Variants in BCL2 observed in about 807,000 individuals in gnomAD.
BCL2 encodes BCL2 apoptosis regulator, also known as apoptosis regulator Bcl-2.
Under a neutral mutation model 14.2 loss-of-function variants are expected in BCL2, and 1 was observed. The ratio of observed to expected loss-of-function variants is 0.07; its 90% CI spans 0.02 to 0.33. The LOEUF is 0.33. BCL2 is among the 10% of genes least tolerant of loss of function. The probability of loss-of-function intolerance (pLI) is 0.99; values close to 1 mark genes in which losing one functional copy is unlikely to be tolerated. For synonymous variants in BCL2, 151 were observed against 137.2 expected (o/e 1.10, Z -0.70); for missense variants, 247 against 305.9 (o/e 0.81, Z 1.44).
chr18:63,289,826 G>A (rs559037084), intron 2 of BCL2, among the ~76,000 whole-genome samples: 10 of 152,090 alleles, frequency 6.6e-5, no homozygotes, highest in Non-Finnish European at 1.5e-4. Flanking sequence ...CCTGGGAGGC[G>A]GAGGTTGCAG....
At chr18:63,214,929 A>C (rs1910156300) in intron 2 of BCL2, among the ~76,000 whole-genome samples, 1 of 152,036 alleles carries the variant, frequency 6.6e-6, no homozygotes, top group South Asian at 2.1e-4. Context: ...GGCTGGTCTC[A>C]AACTCCTGAC....
Position 63,318,479 on chromosome 18 carries a change from C to T in BCL2, c.188G>A (p.Arg63Gln). 1 of 1,484,224 alleles carries T rather than the reference C, an allele frequency of 6.7e-7. No homozygotes were observed. The highest frequency in any genetic ancestry group is 8.9e-7 in the Non-Finnish European group (1 of 1,129,098). The allele number at this position is 1,484,224 out of a possible 1,614,324, so 91.9% of individuals were successfully genotyped here. The change falls in exon 2 of 3, where the codon CGG (arginine) becomes CAG (glutamine). Residue 63 changes from arginine (R) to glutamine (Q), a missense_variant. Arg to Gln is a conservative substitution (Grantham distance 43). Transcript: ENST00000333681. The surrounding 1 kb of genome is among the most constrained non-coding windows in gnomAD (Gnocchi z 7.4). ...CGGCGAGGTCCTGGCGACCGGGTCC[C>T]GGGATGCGGCTGGATGGGGCGTGTG... The part of the protein sequence containing the change: ...PGHTPHPAAS[R>Q]DPVARTSPLQ...
At chr18:63,267,669 C>T (rs1911872126) in intron 2 of BCL2, among the ~76,000 whole-genome samples, 1 of 152,120 alleles carries the variant, frequency 6.6e-6, no homozygotes, top group Non-Finnish European at 1.5e-5. Flanking sequence ...GATGAAGGAC[C>T]TGCAGTAAAT....
chr18:63,198,113 G>A (rs978456880), intron 2 of BCL2, among the ~76,000 whole-genome samples: 3 of 151,940 alleles, frequency 2.0e-5, no homozygotes, highest in Non-Finnish European at 2.9e-5. Context: ...GAAGGAAGAC[G>A]GTTTTGCATG....
intron 2 of BCL2, among the ~76,000 whole-genome samples, chr18:63,244,010 A>G (rs558398627): frequency 2.6e-5 from 4 of 152,282 alleles, no homozygotes; most frequent in African/African-American, 9.6e-5. Flanking sequence ...TTGGGAGACC[A>G]CAGCAGGTGG....
At chr18:63,310,410 G>T (rs190126197) in intron 2 of BCL2, among the ~76,000 whole-genome samples, 1 of 152,092 alleles carries the variant, frequency 6.6e-6, no homozygotes, top group African/African-American at 2.4e-5. Context: ...CCCTCTCCCC[G>T]TATCGCCTGC....
chr18:63,162,822 T>C (rs1254430565), intron 2 of BCL2, among the ~76,000 whole-genome samples: 3 of 151,712 alleles, frequency 2.0e-5, no homozygotes, highest in African/African-American at 4.8e-5. Flanking sequence ...TTTCCTTCCC[T>C]CCTTCCTTCC....
intron 2 of BCL2, among the ~76,000 whole-genome samples, chr18:63,280,119 A>T (rs1912267677): frequency 6.6e-6 from 1 of 152,252 alleles, no homozygotes. Flanking sequence ...ACTTCTAAAT[A>T]AAAGATTTTT....
intron 2 of BCL2, among the ~76,000 whole-genome samples, chr18:63,164,619 T>G (rs1460387050): frequency 2.0e-5 from 3 of 152,238 alleles, no homozygotes. Flanking sequence ...CCCAGACCAG[T>G]GTCTGTAGTA....
At chr18:63,234,315 C>T (rs1349792825) in intron 2 of BCL2, among the ~76,000 whole-genome samples, 1 of 152,176 alleles carries the variant, frequency 6.6e-6, no homozygotes, top group East Asian at 1.9e-4. Flanking sequence ...TGTTCAGCTC[C>T]CACTTATAAG....
At chr18:63,238,798 G>A (rs1910910314) in intron 2 of BCL2, among the ~76,000 whole-genome samples, 1 of 152,168 alleles carries the variant, frequency 6.6e-6, no homozygotes, top group South Asian at 2.1e-4. Context: ...CTCCTCTTTG[G>A]GCTCAGGGAG....
chr18:63,314,170 T>G (rs1268487726), intron 2 of BCL2: 1 of 152,202 alleles, frequency 6.6e-6, no homozygotes, highest in Non-Finnish European at 1.5e-5. Context: ...AAGATGCACT[T>G]TCCCAAGGAA....
chr18:63,184,106 AC>A (rs1011255384), intron 2 of BCL2, among the ~76,000 whole-genome samples: 1 of 152,248 alleles, frequency 6.6e-6, no homozygotes, highest in Non-Finnish European at 1.5e-5. Flanking sequence ...AGACAGAGCT[AC>A]CAATCAGAGC....
intron 2 of BCL2, among the ~76,000 whole-genome samples, chr18:63,167,987 C>T (rs1020578207): frequency 1.4e-4 from 21 of 152,030 alleles, no homozygotes; most frequent in African/African-American, 1.9e-4. Flanking sequence ...CACTTGAGCC[C>T]GGGAGTTTGT....
chr18:63,293,810 C>T (rs1205038413), intron 2 of BCL2, among the ~76,000 whole-genome samples: 2 of 152,136 alleles, frequency 1.3e-5, no homozygotes. Flanking sequence ...CAAAATAGAA[C>T]ATGTTTTAAC....
intron 2 of BCL2, among the ~76,000 whole-genome samples, chr18:63,244,744 T>C (rs1177812669): frequency 6.6e-6 from 1 of 152,220 alleles, no homozygotes; most frequent in African/African-American, 2.4e-5. Flanking sequence ...GGCAGTATTC[T>C]GGGCAGAGCA....
intron 2 of BCL2, among the ~76,000 whole-genome samples, chr18:63,147,249 A>G (rs1914537000): frequency 6.6e-6 from 1 of 152,180 alleles, no homozygotes; most frequent in Non-Finnish European, 1.5e-5. Flanking sequence ...ACAGGAAGAG[A>G]TGCCCCATGG....
chr18:63,300,466 C>CTG (rs371006514), intron 2 of BCL2, among the ~76,000 whole-genome samples: 45,170 of 147,920 alleles, frequency 0.31, 7,536 homozygotes, highest in Non-Finnish European at 0.39. Flanking sequence ...CTCTCTCTCT[C>CTG]TGTGTGTGTG....
At chr18:63,266,360 T>G (rs1174456807) in intron 2 of BCL2, among the ~76,000 whole-genome samples, 3 of 151,348 alleles carry the variant, frequency 2.0e-5, no homozygotes, top group Non-Finnish European at 2.9e-5. Flanking sequence ...GAAAATCACA[T>G]AGTGTCTACA....
Sources: gnomAD v4.1 joint callset for allele counts (sites outside exome capture counted in the v4.1 genomes callset) on GRCh38, gnomAD v4.1.1 for gene constraint, Gnocchi (gnomAD v3.1) non-coding constraint, MANE v1.5 for transcripts, NCBI Gene and HGNC (gene_info 2026-07-23, HGNC 2026-07-21) for gene names.